ANKAR: variants seen among roughly 807,000 people sequenced by gnomAD.
ANKAR encodes the protein ankyrin and armadillo repeat containing, also known as ankyrin and armadillo repeat-containing protein.
Under a neutral mutation model 146.2 loss-of-function variants are expected in ANKAR, and 136 were observed. The observed-to-expected ratio is 0.93, with a 90% CI of 0.81 to 1.07. The LOEUF is 1.07. ANKAR is among the 50% of genes least tolerant of loss of function. The pLI is 0.00. For synonymous variants in ANKAR, 500 were observed against 575.8 expected, an observed-to-expected ratio of 0.87 and a Z score of 1.88; for missense variants, 1,567 against 1,679.9, an observed-to-expected ratio of 0.93 and a Z score of 1.18.
chr2:189,757,061 TTAA>T (rs1395044044), intron 18 of ANKAR, among the ~76,000 whole-genome samples: 1 of 152,218 alleles, frequency 6.6e-6, no homozygotes, highest in Non-Finnish European at 1.5e-5. Flanking sequence ...TCTCAAAGAA[TTAA>T]TAATAACAAT....
chr2:189,685,029 A>T (rs2035341179), intron 2 of ANKAR, among the ~76,000 whole-genome samples: 4 of 151,784 alleles, frequency 2.6e-5, no homozygotes, highest in African/African-American at 9.7e-5. Context: ...TTAAAGGGAC[A>T]AGCTCTTACT....
intron 18 of ANKAR, chr2:189,755,419 A>G (rs928978578): frequency 6.2e-7 from 1 of 1,610,024 alleles, no homozygotes. Flanking sequence ...CCAGGCTTAA[A>G]GCAAGTCCTG....
downstream of ANKAR, among the ~76,000 whole-genome samples, chr2:189,762,250 T>C (rs896269028): frequency 1.1e-4 from 17 of 152,188 alleles, no homozygotes; most frequent in African/African-American, 3.9e-4. Context: ...CCCAAATCCT[T>C]TTCCCCCAAA....
At chr2:189,756,076 T>C (rs1025813192) in intron 18 of ANKAR, among the ~76,000 whole-genome samples, 1 of 152,208 alleles carries the variant, frequency 6.6e-6, no homozygotes, top group African/African-American at 2.4e-5. Context: ...TGTTCAGCTA[T>C]TCAGCTGGAA....
downstream of ANKAR, chr2:189,761,460 A>G (rs762100805): frequency 4.3e-6 from 7 of 1,612,420 alleles, no homozygotes; most frequent in Non-Finnish European, 5.1e-6. Context: ...GCTTCTCCCA[A>G]CACATTTCCA....
At chr2:189,695,300 C>G in intron 6 of ANKAR, 139 bp downstream of exon 6, 1 of 665,212 alleles carries the variant, frequency 1.5e-6, no homozygotes. Context: ...ATTTTAGTAG[C>G]TGAAAGGCTA....
At chr2:189,732,458 G>A (rs372854503) in intron 16 of ANKAR, among the ~76,000 whole-genome samples, 2 of 151,986 alleles carry the variant, frequency 1.3e-5, no homozygotes, top group Admixed American at 6.6e-5. Flanking sequence ...TCAGGAGTTC[G>A]AGGCCAACCT....
In ANKAR at chr2:189,728,053, T is replaced by C. The variant is rs751281083; in HGVS notation, c.2833T>C (p.Phe945Leu). 1.2e-6 allele frequency: 2 copies of C among 1,613,312 alleles called. No homozygotes were observed. The highest frequency in any genetic ancestry group is 1.7e-6 in the Non-Finnish European group (2 of 1,179,614). The change falls in exon 13 of 23, where the codon TTT (phenylalanine) becomes CTT (leucine). Residue 945 changes from phenylalanine to leucine, a missense_variant. By Grantham distance (22) the Phe-to-Leu change is conservative (BLOSUM62 0). Coordinates refer to ENST00000684021, the MANE Select transcript of ANKAR (RefSeq NM_001378068.1). Reference protein sequence around the residue: ...ASHNALIQKAFLEKSLTKYLL... With the variant: ...ASHNALIQKALLEKSLTKYLL... ...TCACAACGCTCTTATACAGAAAGCA[T>C]TTCTGGAAAAATCGTTAACTAAATA...
intron 12 of ANKAR, among the ~76,000 whole-genome samples, chr2:189,727,523 C>CACAA (rs2042003677): frequency 1.7e-5 from 1 of 58,906 alleles, no homozygotes; most frequent in African/African-American, 7.4e-5. Flanking sequence ...AACCTTGTCT[C>CACAA]AAAAAAAAAA....
At chr2:189,746,887 C>T (rs1219351820), downstream of ANKAR, 3 of 275,658 alleles carry the variant, frequency 1.1e-5, no homozygotes, top group African/African-American at 6.7e-5. Flanking sequence ...AGTGGTATAA[C>T]TAGTGTATAT....
chr2:189,755,902 T>G (rs1267949684), intron 18 of ANKAR, among the ~76,000 whole-genome samples: 1 of 152,222 alleles, frequency 6.6e-6, no homozygotes, highest in Non-Finnish European at 1.5e-5. Context: ...TTAATTTCCT[T>G]GCTGACAGAA....
intron 6 of ANKAR, among the ~76,000 whole-genome samples, chr2:189,695,418 C>T (rs1036783635): frequency 6.6e-6 from 1 of 152,126 alleles, no homozygotes; most frequent in African/African-American, 2.4e-5. Flanking sequence ...GTATGTTAGG[C>T]AATATTATAA....
chr2:189,719,890 C>CGTGG, intron 11 of ANKAR, 77 bp downstream of exon 11: 1 of 1,356,090 alleles, frequency 7.4e-7, no homozygotes. Context: ...TAGAAACCCA[C>CGTGG]GTTACTATTC....
intron 2 of ANKAR, 113 bp from the exon 3 acceptor site, chr2:189,689,414 A>T: frequency 1.1e-6 from 1 of 886,240 alleles, no homozygotes. Flanking sequence ...TTTTTCCTTT[A>T]CTGTCGTGAT....
Position 189,741,362 on chromosome 2 carries a change from G to A in ANKAR, c.3721G>A (p.Ala1241Thr). The change falls in exon 20 of 23, where the codon GCT (alanine) becomes ACT (threonine). Residue 1241 changes from alanine to threonine, a missense_variant. Transcript: ENST00000684021. ...TATAGGGAATTTAATAGCAAGCCTG[G>A]CTCATTCTAGAGCTGGTATCCCAGA... ...VLTGNLIASLAHSRAGIPEAF... is the reference protein window; with the variant it reads ...VLTGNLIASLTHSRAGIPEAF... 1 of 1,603,444 alleles carries A rather than the reference G, an allele frequency of 6.2e-7. No individual in the cohort carries two copies. Among genetic ancestry groups the A allele is most frequent in the Non-Finnish European group, 8.5e-7 (1 of 1,175,350 alleles).
rs1363125603 is a variant in ANKAR at position 189,728,042 on chromosome 2, T to C, written c.2822T>C (p.Ile941Thr). 4 of 1,613,826 alleles carry C rather than the reference T, an allele frequency of 2.5e-6. No individual in the cohort carries two copies. Among genetic ancestry groups the C allele is most frequent in the Non-Finnish European group, 2.5e-6 (3 of 1,179,820 alleles). The change falls in exon 13 of 23, where the codon ATA becomes ACA. Residue 941 changes from isoleucine (I) to threonine (T), a missense_variant. Coordinates refer to ENST00000684021, the MANE Select transcript of ANKAR (RefSeq NM_001378068.1). Reference sequence around the variant, plus strand: ...TCACTGGCAAGTCACAACGCTCTTATACAGAAAGCATTTCTGGAAAAATCG... The same window carrying C: ...TCACTGGCAAGTCACAACGCTCTTACACAGAAAGCATTTCTGGAAAAATCG... Reference protein sequence around the residue: ...VESLASHNALIQKAFLEKSLT... With the variant: ...VESLASHNALTQKAFLEKSLT...
intron 3 of ANKAR, among the ~76,000 whole-genome samples, chr2:189,691,915 C>T (rs1375866850): frequency 1.3e-5 from 2 of 151,944 alleles, no homozygotes; most frequent in Non-Finnish European, 2.9e-5. Context: ...GCATGTGCCA[C>T]CACATCCAGC....
intron 12 of ANKAR, 65 bp from the exon 13 acceptor site, chr2:189,727,791 T>G (rs577183571): frequency 1.3e-6 from 2 of 1,548,376 alleles, no homozygotes; most frequent in South Asian, 2.4e-5. Flanking sequence ...ACTAATGATA[T>G]GCTGCACTTT....
At position 189,692,297 on chromosome 2, in the gene ANKAR, A is replaced by G; in HGVS notation, c.1082A>G (p.Tyr361Cys). 2 of 1,613,198 alleles carry G rather than the reference A, an allele frequency of 1.2e-6. No homozygotes were observed. The highest frequency in any genetic ancestry group is 1.7e-6 in the Non-Finnish European group (2 of 1,179,732). Residue 361 changes from tyrosine to cysteine, a missense_variant, in exon 4 of 23, where the codon TAT (tyrosine) becomes TGT (cysteine). Transcript: ENST00000684021. The part of the protein sequence containing the change: ...KTERELPPFI[Y>C]GRDFKCQNFH... ...GAGCGAGAATTGCCTCCATTTATTT[A>G]TGGAAGAGATTTTAAATGCCAGAAT...
Sources: allele counts gnomAD v4.1 joint callset (sites outside exome capture counted in the v4.1 genomes callset), GRCh38; gene constraint gnomAD v4.1.1; transcripts MANE v1.5; gene names NCBI Gene and HGNC (gene_info 2026-07-23, HGNC 2026-07-21).